Variants in MCF2L observed in about 807,000 individuals in gnomAD.
The protein encoded by MCF2L is guanine nucleotide exchange factor DBS.
A neutral mutation model predicts 153.4 loss-of-function variants in MCF2L; 97 were observed. That is an observed-to-expected ratio of 0.63 (90% CI 0.54 to 0.75). MCF2L has a LOEUF of 0.75. Ranked by LOEUF, MCF2L falls within the 30% of genes least tolerant of loss-of-function variation. MCF2L has a pLI of 0.00. For synonymous variants in MCF2L, 659 were observed against 632.2 expected (o/e 1.04, Z -0.64); for missense variants, 1,347 against 1,495.2 (o/e 0.90, Z 1.64).
Position 113,088,424 on chromosome 13 carries a change from G to C in MCF2L, c.2767+19G>C, listed in dbSNP as rs569795196. On this transcript the variant is annotated intron_variant, in intron 24 of 29. Coordinates refer to ENST00000535094, the MANE Select transcript of MCF2L (RefSeq NM_001112732.3). ...TGTAGAGGTGAGGCTGTCTTCAAGC[G>C]ATCGTTTCCCGTAGCTTCCGCTCCA... 6.2e-7 allele frequency: 1 copy of C among 1,613,482 alleles called. No homozygotes were observed. Among genetic ancestry groups the C allele is most frequent in the Non-Finnish European group, 8.5e-7 (1 of 1,179,658 alleles).
intron 4 of MCF2L, among the ~76,000 whole-genome samples, chr13:113,047,507 C>T (rs1017103514): frequency 6.6e-6 from 1 of 152,278 alleles, no homozygotes; most frequent in Non-Finnish European, 1.5e-5. Context: ...TCCCACAATG[C>T]TCCCAGCAGG....
Position 113,070,176 on chromosome 13 carries a change from G to A in MCF2L, c.996+3G>A, listed in dbSNP as rs1484515743. On this transcript the variant is annotated splice_donor_region_variant and intron_variant, in intron 9 of 29. Coordinates refer to ENST00000535094, the MANE Select transcript of MCF2L (RefSeq NM_001112732.3). The surrounding 1 kb of genome is among the most constrained non-coding windows in gnomAD (Gnocchi z 5.6). ...ACTTTGAGCAGGGCTTCCGGGAGGT[G>A]AGTGGCCCTGGGTGGAGCCGGCAGC... The A allele has an allele frequency of 6.3e-7, 1 of 1,585,718 alleles. No homozygotes were observed. Among genetic ancestry groups the A allele is most frequent in the Admixed American group, 1.8e-5 (1 of 54,968 alleles).
In MCF2L at chr13:113,096,592, G is replaced by T. The variant is rs773014055; in HGVS notation, c.3231G>T (p.Pro1077=). 1.1e-5 allele frequency: 17 copies of T among 1,603,372 alleles called. No individual in the cohort carries two copies. The highest frequency in any genetic ancestry group is 1.3e-5 in the Non-Finnish European group (15 of 1,178,354). The part of the protein sequence containing the change: ...DPTTGKEGWV[P]ASSLSVRLGP... ...CCACTGGCAAGGAGGGCTGGGTGCCGGCCAGCAGCCTGTCCGTCCGGCTCG... is the reference window on the plus strand; with the variant it reads ...CCACTGGCAAGGAGGGCTGGGTGCCTGCCAGCAGCCTGTCCGTCCGGCTCG... The change falls in exon 29 of 30, where the codon CCG becomes CCT. Residue 1077 remains proline, a synonymous_variant. Coordinates refer to ENST00000535094, the MANE Select transcript of MCF2L (RefSeq NM_001112732.3).
intron 2 of MCF2L, among the ~76,000 whole-genome samples, chr13:112,936,414 C>T (rs1047138694): frequency 1.3e-5 from 2 of 152,054 alleles, no homozygotes; most frequent in African/African-American, 4.8e-5. Flanking sequence ...TTCTGCAGCC[C>T]AGGAAGTAAA....
At position 113,045,437 on chromosome 13, in the gene MCF2L, T is replaced by A; in HGVS notation, c.369+76T>A. On this transcript the variant is annotated intron_variant, in intron 4 of 29. Coordinates refer to ENST00000535094, the MANE Select transcript of MCF2L (RefSeq NM_001112732.3). The surrounding 1 kb of genome is among the most constrained non-coding windows in gnomAD (Gnocchi z 4.2). ...ATGACCGCATGGTGCCCTTCCTCTG[T>A]GTCTGCCGCAGTTCCTGCTTTGTGC... 1 of 1,255,950 alleles carries A rather than the reference T, an allele frequency of 8.0e-7. No individual in the cohort carries two copies. The highest frequency in any genetic ancestry group is 1.2e-6 in the Non-Finnish European group (1 of 863,160). The allele number at this position is 1,255,950 out of a possible 1,614,324, so 77.8% of individuals were successfully genotyped here.
chr13:113,021,123 CAT>C (rs1410832565), intron 2 of MCF2L, among the ~76,000 whole-genome samples: 4 of 152,072 alleles, frequency 2.6e-5, no homozygotes, highest in African/African-American at 4.8e-5. Context: ...CATCCACATG[CAT>C]ATGTGTGCAG....
chr13:113,018,508 T>C (rs7330317), intron 2 of MCF2L, among the ~76,000 whole-genome samples: 43,726 of 152,088 alleles, frequency 0.29, 6,753 homozygotes, highest in South Asian at 0.46. Flanking sequence ...TGACTCTTTC[T>C]TACTGAAGGC....
chr13:113,005,431 G>A (rs556560271), intron 1 of MCF2L, among the ~76,000 whole-genome samples: 2 of 152,186 alleles, frequency 1.3e-5, no homozygotes, highest in East Asian at 3.8e-4. Context: ...TTCGTGGTGG[G>A]CCATGGACTA....
chr13:112,896,464 CT>C (rs770594486), intron 1 of MCF2L, among the ~76,000 whole-genome samples: 104 of 152,216 alleles, frequency 6.8e-4, no homozygotes, highest in Non-Finnish European at 1.3e-3. Context: ...GAGGCCCCCC[CT>C]GTCTTTACAG....
In MCF2L at chr13:113,078,381, A is replaced by C. The variant is rs1436795794; in HGVS notation, c.1679A>C (p.Glu560Ala). Reference protein sequence around the residue: ...CPSPGIRRGSENSSSEGGALR... With the variant: ...CPSPGIRRGSANSSSEGGALR... ...CCAACAGGCATTCGGCGAGGCTCTGAGAACTCCAGCTCCGAGGGCGGTGCG... is the reference window on the plus strand; with the variant it reads ...CCAACAGGCATTCGGCGAGGCTCTGCGAACTCCAGCTCCGAGGGCGGTGCG... The change falls in exon 14 of 30, where the codon GAG (glutamate) becomes GCG (alanine). Residue 560 changes from glutamate (E) to alanine (A), a missense_variant. By Grantham distance (107) the Glu-to-Ala change is moderately radical. Coordinates refer to ENST00000535094, the MANE Select transcript of MCF2L (RefSeq NM_001112732.3). The C allele has an allele frequency of 8.7e-6, 14 of 1,613,270 alleles. No individual in the cohort carries two copies. The highest frequency in any genetic ancestry group is 1.2e-5 in the Non-Finnish European group (14 of 1,179,960).
At chr13:113,062,573 C>G (rs2141799961) in intron 5 of MCF2L, among the ~76,000 whole-genome samples, 1 of 152,240 alleles carries the variant, frequency 6.6e-6, no homozygotes, top group East Asian at 1.9e-4. Flanking sequence ...AGCAAGCCGT[C>G]AAAATGGGTT....
In MCF2L at chr13:112,941,175, T is replaced by C. The variant is rs1300504439; in HGVS notation, c.169+38804T>C. On this transcript the variant is annotated intron_variant, in intron 2 of 29. Transcript: ENST00000375608. The surrounding 1 kb of genome is among the most constrained non-coding windows in gnomAD (Gnocchi z 4.9). ...AAAAATTCAGGTCATCAGCCCGTAA[T>C]GCCACCTTGTTTTATCTTGGTGCTA... 6.6e-6 allele frequency among the ~76,000 whole-genome samples: 1 copy of C among 152,170 alleles called. No individual in the cohort carries two copies. Among genetic ancestry groups the C allele is most frequent in the Non-Finnish European group, 1.5e-5 (1 of 68,038 alleles).
intron 3 of MCF2L, among the ~76,000 whole-genome samples, chr13:113,029,597 T>C (rs1439790694): frequency 2.0e-5 from 3 of 152,182 alleles, no homozygotes; most frequent in Non-Finnish European, 4.4e-5. Context: ...CACTGCGCCC[T>C]GAGGGTGCTG....
chr13:112,979,813 G>C, intron 1 of MCF2L: 1 of 1,527,556 alleles, frequency 6.5e-7, no homozygotes, highest in Non-Finnish European at 8.9e-7. Flanking sequence ...CCCCTCTGCA[G>C]GTGTCCTCTC....
rs575704045 is a variant in MCF2L at position 112,951,406 on chromosome 13, T to G, written c.169+49035T>G. On this transcript the variant is annotated intron_variant, in intron 2 of 29. Transcript: ENST00000375608. This position sits in a 1 kb window ranked among gnomAD's most constrained non-coding sequence, Gnocchi z 4.8. The stretch of plus-strand genomic sequence containing the variant: ...GTGCACATAAATACAGGCATATGAA[T>G]GTTTATATTCGTTTATTTGTCGCAG... Among the ~76,000 whole-genome samples, 7 of 152,354 alleles carry G rather than the reference T, an allele frequency of 4.6e-5. No individual in the cohort carries two copies. The South Asian group carries it at 1.4e-3, about 32-fold the overall frequency.
At chr13:113,013,945 C>T (rs1025767162) in intron 1 of MCF2L, among the ~76,000 whole-genome samples, 3 of 150,332 alleles carry the variant, frequency 2.0e-5, no homozygotes, top group African/African-American at 7.5e-5. Flanking sequence ...CTAGCTGGTG[C>T]TGACCCCATG....
At position 113,079,582 on chromosome 13, in the gene MCF2L, C is replaced by T. The variant is rs78487481; in HGVS notation, c.1808+843C>T. Reference sequence around the variant, plus strand: ...TTGACAAGCAGGTGTCCGCAGGCAGCGCCAGTGTGACCCTGCAGGGTTGGG... The same window carrying T: ...TTGACAAGCAGGTGTCCGCAGGCAGTGCCAGTGTGACCCTGCAGGGTTGGG... On this transcript the variant is annotated intron_variant, in intron 15 of 29. Coordinates refer to ENST00000535094, the MANE Select transcript of MCF2L (RefSeq NM_001112732.3). Among the ~76,000 whole-genome samples the T allele has an allele frequency of 7.5e-3, 1,142 of 152,280 alleles. 15 individuals are homozygous for T. The highest frequency in any genetic ancestry group is 0.026 in the African/African-American group (1,077 of 41,558).
Position 112,991,355 on chromosome 13 carries a change from G to A in MCF2L, c.79+21897G>A, listed in dbSNP as rs376419772. 8.0e-5 allele frequency among the ~76,000 whole-genome samples: 12 copies of A among 149,882 alleles called. No homozygotes were observed. The East Asian group carries it at 2.2e-3, about 27-fold the overall frequency. ...GGGGGCATCTCCCAGGACCTGATTCGCTGTGTTTTGGGGGGCATCTCCCAG... is the reference window on the plus strand; with the variant it reads ...GGGGGCATCTCCCAGGACCTGATTCACTGTGTTTTGGGGGGCATCTCCCAG... On this transcript the variant is annotated intron_variant, in intron 1 of 29. Coordinates refer to ENST00000535094, the MANE Select transcript of MCF2L (RefSeq NM_001112732.3).
Position 113,070,674 on chromosome 13 carries a change from T to G in MCF2L, c.996+501T>G, listed in dbSNP as rs1197084167. ...TCATCTGTTTCCGTGGCTGTGCTTT[T>G]GCCATTTCAAGAATGTGACATTAAT... On this transcript the variant is annotated intron_variant, in intron 9 of 29. Transcript: ENST00000535094. The surrounding 1 kb of genome is among the most constrained non-coding windows in gnomAD (Gnocchi z 5.6). Among the ~76,000 whole-genome samples the G allele has an allele frequency of 6.6e-6, 1 of 152,176 alleles. No homozygotes were observed. The highest frequency in any genetic ancestry group is 2.4e-5 in the African/African-American group (1 of 41,442).
Sources: allele counts gnomAD v4.1 joint callset (sites outside exome capture counted in the v4.1 genomes callset), GRCh38; gene constraint gnomAD v4.1.1; non-coding constraint Gnocchi (gnomAD v3.1); transcripts MANE v1.5; gene names NCBI Gene and HGNC (gene_info 2026-07-23, HGNC 2026-07-21).